Variants in CSGALNACT2 observed in about 807,000 individuals in gnomAD.
CSGALNACT2 encodes the protein chondroitin sulfate N-acetylgalactosaminyltransferase 2, also known as beta 4 GalNAcT-2.
CSGALNACT2 carries 35 observed loss-of-function variants against 55.3 expected under a neutral mutation model. The ratio of observed to expected loss-of-function variants is 0.63; its 90% CI spans 0.48 to 0.84. The LOEUF (loss-of-function observed/expected upper bound fraction) is 0.84. Ranked by LOEUF, CSGALNACT2 falls within the 40% of genes least tolerant of loss-of-function variation. The pLI, the probability that CSGALNACT2 is intolerant of heterozygous loss-of-function variation, is 0.00. For missense variants in CSGALNACT2, 544 were observed against 657.5 expected (o/e 0.83, Z 1.89); for synonymous variants, 196 against 224.9 (o/e 0.87, Z 1.15).
At chr10:43,165,404 G>C (rs932334913) in intron 5 of CSGALNACT2, among the ~76,000 whole-genome samples, 2 of 151,894 alleles carry the variant, frequency 1.3e-5, no homozygotes, top group Non-Finnish European at 2.9e-5. Flanking sequence ...GTGAGGTGAT[G>C]ATATATGTTT....
At chr10:43,167,144 T>C (rs372618000) in intron 6 of CSGALNACT2, 46 bp downstream of exon 6, 74 of 1,212,024 alleles carry the variant, frequency 6.1e-5, no homozygotes, top group Non-Finnish European at 8.6e-5. Flanking sequence ...AAAGATCTTT[T>C]CTAGATGTTT....
chr10:43,182,427 G>A (rs537997960), intron 7 of CSGALNACT2, among the ~76,000 whole-genome samples: 1 of 152,122 alleles, frequency 6.6e-6, no homozygotes, highest in East Asian at 1.9e-4. Flanking sequence ...TTAGACCTAG[G>A]CCCTGTTTTC....
At chr10:43,182,872 C>G (rs1364926727) in intron 7 of CSGALNACT2, among the ~76,000 whole-genome samples, 3 of 90,246 alleles carry the variant, frequency 3.3e-5, no homozygotes, top group Non-Finnish European at 6.4e-5. Flanking sequence ...GAGACCCTGT[C>G]TCAAAAAAAA....
intron 4 of CSGALNACT2, 124 bp downstream of exon 4, chr10:43,160,719 G>A (rs541089146): frequency 3.9e-5 from 25 of 636,992 alleles, no homozygotes; most frequent in East Asian, 3.8e-4. Context: ...GCATGTGGGC[G>A]GTGGTGGTGA....
chr10:43,163,801 T>TTGAA, intron 4 of CSGALNACT2, 65 bp from the exon 5 acceptor site: 1 of 1,513,622 alleles, frequency 6.6e-7, no homozygotes, highest in Non-Finnish European at 8.9e-7. Context: ...GTAAGCTGTG[T>TTGAA]TGAAGGAAGA....
At position 43,155,317 on chromosome 10, in the gene CSGALNACT2, T is replaced by C; in HGVS notation, c.168T>C (p.Tyr56=). Reference sequence around the variant, plus strand: ...TTGGGGAAAATTATGGTAAAGAGTATTATCAAGCCCTCCTACAGGAACAAG... The same window carrying C: ...TTGGGGAAAATTATGGTAAAGAGTACTATCAAGCCCTCCTACAGGAACAAG... The part of the protein sequence containing the change: ...GVVGENYGKE[Y]YQALLQEQEE... The change falls in exon 2 of 8, where the codon TAT becomes TAC. Residue 56 remains tyrosine (Y), a synonymous_variant. Transcript: ENST00000374466. The C allele has an allele frequency of 1.2e-6, 2 of 1,614,102 alleles. No homozygotes were observed. The highest frequency in any genetic ancestry group is 1.7e-6 in the Non-Finnish European group (2 of 1,180,034).
intron 1 of CSGALNACT2, among the ~76,000 whole-genome samples, chr10:43,139,658 A>G (rs1314845807): frequency 6.6e-6 from 1 of 152,212 alleles, no homozygotes; most frequent in African/African-American, 2.4e-5. Flanking sequence ...CTTCCAAGTC[A>G]GTTATATCCT....
chr10:43,183,228 A>G, intron 7 of CSGALNACT2, 22 bp from the exon 8 acceptor site: 1 of 1,580,180 alleles, frequency 6.3e-7, no homozygotes, highest in Non-Finnish European at 8.7e-7. Context: ...AGTTATTTAT[A>G]GTGTCAATTT....
chr10:43,164,447 G>A (rs1449892736), intron 5 of CSGALNACT2, among the ~76,000 whole-genome samples: 1 of 152,210 alleles, frequency 6.6e-6, no homozygotes, highest in Non-Finnish European at 1.5e-5. Flanking sequence ...ATGCATGTGT[G>A]CACACACACT....
rs144196824 is a variant in CSGALNACT2 at position 43,155,804 on chromosome 10, G to C, written c.655G>C (p.Val219Leu). The C allele has an allele frequency of 6.2e-7, 1 of 1,605,432 alleles. No individual in the cohort carries two copies. Among genetic ancestry groups the C allele is most frequent in the East Asian group, 2.2e-5 (1 of 44,792 alleles). The change falls in exon 2 of 8, where the codon GTA becomes CTA. Residue 219 changes from valine (V) to leucine (L), a missense_variant. Val to Leu is a conservative substitution (Grantham distance 32). This residue lies in a region of CSGALNACT2 where 374 missense variants were observed against 401.3 expected (regional missense o/e 0.93). Coordinates refer to ENST00000374466, the MANE Select transcript of CSGALNACT2 (RefSeq NM_018590.5). The part of the protein sequence containing the change: ...EKLIFNENDF[V>L]EGYYRTERDK... ...ACTGATATTTAATGAAAATGACTTC[G>C]TAGAAGGTAATGTGAAAAATATGTT...
Position 43,155,335 on chromosome 10 carries a change from G to A in CSGALNACT2, c.186G>A (p.Gln62=), listed in dbSNP as rs1409928949. ...YGKEYYQALL[Q]EQEEHYQTRA... ...AAGAGTATTATCAAGCCCTCCTACA[G>A]GAACAAGAAGAACATTATCAGACCA... is the stretch of plus-strand genomic sequence containing the variant. The change falls in exon 2 of 8, where the codon CAG becomes CAA. Residue 62 remains glutamine (Q), a synonymous_variant. Coordinates refer to ENST00000374466, the MANE Select transcript of CSGALNACT2 (RefSeq NM_018590.5). 1 of 1,613,990 alleles carries A rather than the reference G, an allele frequency of 6.2e-7. No individual in the cohort carries two copies. The highest frequency in any genetic ancestry group is 2.2e-5 in the East Asian group (1 of 44,898).
In CSGALNACT2 at chr10:43,177,136, G is replaced by A. The variant is rs558666863; in HGVS notation, c.1336+1104G>A. Among the ~76,000 whole-genome samples the A allele has an allele frequency of 2.0e-5, 3 of 152,250 alleles. No homozygotes were observed. The East Asian group carries it at 5.8e-4, about 29-fold the overall frequency. ...ATCAGGAAATAACAATAAAAGGGGCGTTAAATTAAACTGATGCTCTTTTCC... is the reference window on the plus strand; with the variant it reads ...ATCAGGAAATAACAATAAAAGGGGCATTAAATTAAACTGATGCTCTTTTCC... On this transcript the variant is annotated intron_variant, in intron 7 of 7. Transcript: ENST00000374466.
At chr10:43,149,163 A>T (rs1357134199) in intron 1 of CSGALNACT2, among the ~76,000 whole-genome samples, 1 of 151,938 alleles carries the variant, frequency 6.6e-6, no homozygotes, top group African/African-American at 2.4e-5. Context: ...GCTCACTGCA[A>T]CCTCCGCCTC....
chr10:43,167,569 A>T (rs1482435938), intron 6 of CSGALNACT2, among the ~76,000 whole-genome samples: 1 of 152,160 alleles, frequency 6.6e-6, no homozygotes, highest in Non-Finnish European at 1.5e-5. Context: ...GTTTTTTAAA[A>T]TTTTTAAATA....
At chr10:43,147,136 C>T (rs12260994) in intron 1 of CSGALNACT2, among the ~76,000 whole-genome samples, 26,118 of 149,820 alleles carry the variant, frequency 0.17, 2,497 homozygotes, top group Admixed American at 0.25. Flanking sequence ...CCACTACGCC[C>T]GGCTAATTTT....
Position 43,183,448 on chromosome 10 carries a change from C to T in CSGALNACT2, c.1535C>T (p.Ser512Phe), listed in dbSNP as rs1839631879. The change falls in exon 8 of 8, where the codon TCT becomes TTT. Residue 512 changes from serine to phenylalanine, a missense_variant. Physicochemically the swap from Ser to Phe is radical, Grantham distance 155. Transcript: ENST00000374466. ...CIQSKAMNEASHSHLGMLVFR... is the reference protein window; with the variant it reads ...CIQSKAMNEAFHSHLGMLVFR... ...CAGTCTAAAGCCATGAATGAGGCCT[C>T]TCACTCCCACCTGGGAATGCTGGTC... 7 of 1,614,140 alleles carry T rather than the reference C, an allele frequency of 4.3e-6. No individual in the cohort carries two copies. The highest frequency in any genetic ancestry group is 1.3e-5 in the African/African-American group (1 of 75,042).
At chr10:43,141,009 T>C (rs1838608476) in intron 1 of CSGALNACT2, among the ~76,000 whole-genome samples, 1 of 152,198 alleles carries the variant, frequency 6.6e-6, no homozygotes, top group African/African-American at 2.4e-5. Flanking sequence ...TTCAAATTTG[T>C]TAAGGTATTA....
At chr10:43,152,170 G>T (rs1838889177) in intron 1 of CSGALNACT2, among the ~76,000 whole-genome samples, 1 of 151,996 alleles carries the variant, frequency 6.6e-6, no homozygotes, top group South Asian at 2.1e-4. Context: ...CTGCATTTGT[G>T]CTTAGAAGGC....
chr10:43,143,493 A>G (rs1056138091), intron 1 of CSGALNACT2, among the ~76,000 whole-genome samples: 1 of 141,874 alleles, frequency 7.0e-6, no homozygotes, highest in Non-Finnish European at 1.5e-5. Flanking sequence ...CTCTCCAAAA[A>G]TGTGTGTGTG....
Sources: allele counts gnomAD v4.1 joint callset (sites outside exome capture counted in the v4.1 genomes callset), GRCh38; gene constraint gnomAD v4.1.1; regional missense constraint gnomAD v4.1.1; transcripts MANE v1.5; gene names NCBI Gene and HGNC (gene_info 2026-07-23, HGNC 2026-07-21).